The following THADA variants were observed in gnomAD, a reference collection of about 807,000 sequenced individuals.
THADA encodes the protein THADA armadillo repeat containing, also known as tRNA (32-2'-O)-methyltransferase regulator THADA.
THADA carries 213 observed loss-of-function variants against 219.8 expected under a neutral mutation model. That is an observed-to-expected ratio of 0.97 (90% confidence interval 0.87 to 1.09). THADA has a LOEUF of 1.09. Among genes scored for constraint, THADA ranks in the 50% least tolerant of loss-of-function variants. The pLI is 0.00. For synonymous variants in THADA, 1,018 were observed against 828.9 expected, an observed-to-expected ratio of 1.23 and a Z score of -3.92; for missense variants, 2,956 against 2,311.3, an observed-to-expected ratio of 1.28 and a Z score of -5.72.
At position 43,354,473 on chromosome 2, in the gene THADA, TTAACTA is replaced by T. The variant is rs1179399759; in HGVS notation, c.4228-10242_4228-10237del. Among the ~76,000 whole-genome samples, 12 of 152,152 alleles carry T rather than the reference TTAACTA, an allele frequency of 7.9e-5. No individual in the cohort carries two copies. The East Asian group carries it at 2.3e-3, about 29-fold the overall frequency. On this transcript the variant is annotated intron_variant, in intron 29 of 37. Coordinates refer to ENST00000405975, the MANE Select transcript of THADA (RefSeq NM_022065.5). ...ACTAGATATTATTCATTCTATCTAA[TTAACTA>T]TATTTTTGTACCCATTAACTATCCC...
intron 30 of THADA, among the ~76,000 whole-genome samples, chr2:43,326,981 G>C (rs985751091): frequency 5.9e-5 from 9 of 152,104 alleles, no homozygotes; most frequent in Non-Finnish European, 1.5e-5. Flanking sequence ...TGAGCAGTAC[G>C]GGGGATATCC....
In THADA at chr2:43,279,691, G is replaced by A. The variant is rs1006052890; in HGVS notation, c.5296+74C>T. The stretch of plus-strand genomic sequence containing the variant: ...ACCAACAATGCCTAAGATACTATCT[G>A]GCTCATTATAGAAAAGTGTTCCAAC... On this transcript the variant is annotated intron_variant, in intron 36 of 37. Coordinates refer to ENST00000405975, the MANE Select transcript of THADA (RefSeq NM_022065.5). 3 of 1,482,928 alleles carry A rather than the reference G, an allele frequency of 2.0e-6. No homozygotes were observed. The African/African-American group carries it at 4.3e-5, about 21-fold the overall frequency. 91.9% of individuals were successfully genotyped at this position (1,482,928 alleles called of 1,614,324 possible).
At chr2:43,344,084 C>G in intron 30 of THADA, 38 bp downstream of exon 30, 1 of 1,432,862 alleles carries the variant, frequency 7.0e-7, no homozygotes, top group Non-Finnish European at 9.7e-7. Flanking sequence ...TATTCCTAAC[C>G]CCTGATAACT....
At chr2:43,264,933 G>A (rs866980233) in intron 36 of THADA, among the ~76,000 whole-genome samples, 4 of 152,174 alleles carry the variant, frequency 2.6e-5, no homozygotes, top group African/African-American at 7.2e-5. Context: ...CCTAAGTACC[G>A]TGCTGCACAC....
At chr2:43,283,803 C>T (rs1572904899) in intron 35 of THADA, among the ~76,000 whole-genome samples, 1 of 152,208 alleles carries the variant, frequency 6.6e-6, no homozygotes, top group African/African-American at 2.4e-5. Flanking sequence ...TGAAGCAGAG[C>T]ATGGAGCCTG....
chr2:43,372,689 T>C (rs1455325541), intron 29 of THADA, among the ~76,000 whole-genome samples: 1 of 152,216 alleles, frequency 6.6e-6, no homozygotes, highest in East Asian at 1.9e-4. Flanking sequence ...ACAGGCCATA[T>C]AAACTGCATT....
chr2:43,367,960 T>C (rs1275261923), intron 29 of THADA, among the ~76,000 whole-genome samples: 12 of 151,780 alleles, frequency 7.9e-5, no homozygotes, highest in Admixed American at 7.9e-4. Flanking sequence ...CTACTAAAAA[T>C]ACAAAAAATT....
At chr2:43,279,383 G>C (rs1673085545) in intron 36 of THADA, among the ~76,000 whole-genome samples, 1 of 152,178 alleles carries the variant, frequency 6.6e-6, no homozygotes, top group South Asian at 2.1e-4. Context: ...TGTGATTCCT[G>C]AGTTATGGAA....
chr2:43,235,539 C>CT (rs1366327588), intron 36 of THADA, among the ~76,000 whole-genome samples: 1 of 152,078 alleles, frequency 6.6e-6, no homozygotes, highest in Non-Finnish European at 1.5e-5. Flanking sequence ...GTGATCTGCC[C>CT]CCTCGGCTTC....
chr2:43,490,687 T>C (rs1423781764), intron 25 of THADA, among the ~76,000 whole-genome samples: 1 of 152,168 alleles, frequency 6.6e-6, no homozygotes, highest in Non-Finnish European at 1.5e-5. Flanking sequence ...CTAACGTATT[T>C]TGAGAGCAAT....
At chr2:43,452,278 T>C (rs910246494) in intron 26 of THADA, among the ~76,000 whole-genome samples, 7 of 152,160 alleles carry the variant, frequency 4.6e-5, no homozygotes, top group Admixed American at 2.0e-4. Context: ...CCAACTCATA[T>C]TGTTCAAGTG....
chr2:43,496,101 G>C (rs1485369472), intron 25 of THADA, among the ~76,000 whole-genome samples: 2 of 152,182 alleles, frequency 1.3e-5, no homozygotes, highest in Non-Finnish European at 2.9e-5. Context: ...GGTTTGTGCA[G>C]CTTACTAACT....
At chr2:43,536,005 T>C (rs1377965718) in intron 21 of THADA, among the ~76,000 whole-genome samples, 3 of 152,084 alleles carry the variant, frequency 2.0e-5, no homozygotes, top group African/African-American at 7.2e-5. Context: ...GGTTTTACCA[T>C]GTTGGCTAGG....
intron 28 of THADA, among the ~76,000 whole-genome samples, chr2:43,410,161 G>T (rs979630005): frequency 3.9e-5 from 6 of 152,082 alleles, no homozygotes; most frequent in African/African-American, 1.4e-4. Context: ...ATCCTTAGAC[G>T]TTAGTAAAGT....
intron 26 of THADA, among the ~76,000 whole-genome samples, chr2:43,470,019 T>A (rs1381165367): frequency 6.6e-6 from 1 of 151,954 alleles, no homozygotes; most frequent in Non-Finnish European, 1.5e-5. Context: ...GAGGCCAGCA[T>A]GGGCAACATG....
chr2:43,496,144 C>G (rs75386849), intron 25 of THADA, among the ~76,000 whole-genome samples: 10,523 of 152,256 alleles, frequency 0.069, 431 homozygotes, highest in Non-Finnish European at 0.098. Flanking sequence ...ATACTCCACT[C>G]TGCAGGTAAT....
intron 22 of THADA, among the ~76,000 whole-genome samples, chr2:43,522,782 T>A (rs1057489854): frequency 3.3e-5 from 5 of 152,102 alleles, no homozygotes; most frequent in African/African-American, 1.2e-4. Context: ...ATCAAGACAT[T>A]CTAGTTTTCT....
chr2:43,503,462 A>T (rs963508066), intron 24 of THADA, among the ~76,000 whole-genome samples: 3 of 152,206 alleles, frequency 2.0e-5, no homozygotes, highest in Admixed American at 2.0e-4. Context: ...ATTCATGTAA[A>T]AGGAGATAAA....
chr2:43,431,462 A>G (rs919102554), intron 26 of THADA, among the ~76,000 whole-genome samples: 2 of 151,876 alleles, frequency 1.3e-5, no homozygotes, highest in African/African-American at 4.8e-5. Context: ...GTAATAATAC[A>G]TTTTTGTTTG....
Sources: allele counts gnomAD v4.1 joint callset (sites outside exome capture counted in the v4.1 genomes callset), GRCh38; gene constraint gnomAD v4.1.1; transcripts MANE v1.5; gene names NCBI Gene and HGNC (gene_info 2026-07-23, HGNC 2026-07-21).